SIN3A: variants seen among roughly 807,000 people sequenced by gnomAD.
SIN3A encodes the protein SIN3 transcription regulator family member A.
Under a neutral mutation model 146.1 loss-of-function variants are expected in SIN3A, and 14 were observed. The observed-to-expected ratio is 0.10, with a 90% CI of 0.06 to 0.15. The LOEUF is 0.15. SIN3A is among the 10% of genes least tolerant of loss of function. The pLI is 1.00. For missense variants in SIN3A, 1,028 were observed against 1,576.0 expected (o/e 0.65, Z 5.89); for synonymous variants, 572 against 572.0 (o/e 1.00, Z 0.00).
chr15:75,435,920 C>G, intron 1 of SIN3A, among the ~76,000 whole-genome samples: 1 of 151,892 alleles, frequency 6.6e-6, no homozygotes, highest in African/African-American at 2.4e-5. Flanking sequence ...AGCCCAGGAG[C>G]TGGAGACCAG....
chr15:75,407,292 A>C, intron 8 of SIN3A, 148 bp from the exon 9 acceptor site: 1 of 561,394 alleles, frequency 1.8e-6, no homozygotes, highest in Non-Finnish European at 3.2e-6. Flanking sequence ...CTCACTCCAT[A>C]CCCTCTAAGA....
intron 1 of SIN3A, among the ~76,000 whole-genome samples, chr15:75,445,996 C>A (rs1369385147): frequency 6.6e-6 from 1 of 152,162 alleles, no homozygotes; most frequent in Non-Finnish European, 1.5e-5. Flanking sequence ...CCAAATCATT[C>A]ATTCATGTAT....
rs1428000882 is a variant in SIN3A, at chr15:75,375,855, C to T, written c.3401G>A (p.Arg1134Gln). 4 of 1,614,028 alleles carry T rather than the reference C, an allele frequency of 2.5e-6. No individual in the cohort carries two copies. Among genetic ancestry groups the T allele is most frequent in the East Asian group, 2.2e-5 (1 of 44,888 alleles). Residue 1134 changes from arginine to glutamine, a missense_variant, in exon 20 of 21, where the codon CGG becomes CAG. Arg to Gln is a conservative substitution (Grantham distance 43, BLOSUM62 1). Transcript: ENST00000394947. ...VFLPRNLRRI[R>Q]KCQRGREQQE... ...CTGCTCTCGACCACGTTGACACTTC[C>T]GGATCCGCCGTAGATTCCTATTGCA...
At chr15:75,411,302 T>C (rs1331954176) in intron 6 of SIN3A, among the ~76,000 whole-genome samples, 190 bp downstream of exon 6, 2 of 152,200 alleles carry the variant, frequency 1.3e-5, no homozygotes. Context: ...CACTCCAGCC[T>C]GGGTGACAGT....
chr15:75,378,050 T>C (rs1289124747), intron 19 of SIN3A, among the ~76,000 whole-genome samples: 1 of 152,246 alleles, frequency 6.6e-6, no homozygotes, highest in African/African-American at 2.4e-5. Context: ...GACCTAGCGA[T>C]AGCGATATTA....
At position 75,369,926 on chromosome 15, in the gene SIN3A, T is replaced by G. The variant is rs180711735; in HGVS notation, c.*2053A>C. ...AAAGCTCTTTTTGGCACCCTACACT[T>G]TGGCTCACAGTCTCTTCTCCCCAGT... On this transcript the variant is annotated 3_prime_UTR_variant, in exon 21 of 21. Coordinates refer to ENST00000394947, the MANE Select transcript of SIN3A (RefSeq NM_001145358.2). The G allele has an allele frequency of 6.6e-6, 1 of 152,374 alleles. No homozygotes were observed. Among genetic ancestry groups the G allele is most frequent in the East Asian group, 1.9e-4 (1 of 5,190 alleles). 9.4% of individuals were successfully genotyped at this position (152,374 alleles called of 1,614,324 possible). A position where few individuals can be genotyped will look rare whatever the true frequency, so the allele number is the denominator to read the frequency against.
intron 12 of SIN3A, among the ~76,000 whole-genome samples, chr15:75,398,252 T>G (rs1252433731): frequency 2.6e-5 from 4 of 152,220 alleles, no homozygotes; most frequent in African/African-American, 9.6e-5. Flanking sequence ...AAAATGATAA[T>G]GTAAACCAGA....
At chr15:75,389,904 C>T (rs1314938732) in intron 15 of SIN3A, 83 bp from the exon 16 acceptor site, 2 of 1,348,162 alleles carry the variant, frequency 1.5e-6, no homozygotes, top group Non-Finnish European at 2.1e-6. Context: ...CCACAGCTGG[C>T]CTAAATGGCA....
At chr15:75,376,332 AAC>A (rs1365438558) in intron 19 of SIN3A, 3 of 169,288 alleles carry the variant, frequency 1.8e-5, no homozygotes, top group Admixed American at 5.7e-5. Context: ...ACCATTCCTT[AAC>A]AGTTTCTTTC....
chr15:75,419,468 T>C (rs2073803641), intron 3 of SIN3A: 1 of 152,154 alleles, frequency 6.6e-6, no homozygotes. Flanking sequence ...GTGATATGTA[T>C]ATGTCTGAAA....
intron 1 of SIN3A, among the ~76,000 whole-genome samples, chr15:75,447,269 G>T (rs113153749): frequency 1.6e-3 from 247 of 152,348 alleles, no homozygotes; most frequent in African/African-American, 5.8e-3. Flanking sequence ...CACAGGCACT[G>T]ACTAGGGCAG....
intron 9 of SIN3A, among the ~76,000 whole-genome samples, chr15:75,405,661 G>C (rs1375700580): frequency 6.6e-6 from 1 of 152,150 alleles, no homozygotes; most frequent in Non-Finnish European, 1.5e-5. Flanking sequence ...TAAGGCTGGA[G>C]AATCGCTTGA....
At chr15:75,406,954 T>C (rs2073527900) in intron 9 of SIN3A, 101 bp downstream of exon 9, 5 of 716,118 alleles carry the variant, frequency 7.0e-6, no homozygotes, top group Non-Finnish European at 1.2e-5. Flanking sequence ...CAGAAAGTCC[T>C]AATTAGCCTG....
chr15:75,429,965 G>A, intron 2 of SIN3A: 2 of 466,354 alleles, frequency 4.3e-6, no homozygotes, highest in African/African-American at 2.0e-5. Context: ...CTGAAGGGAG[G>A]GAAAAGAAGG....
chr15:75,420,212 T>G (rs1003767098), intron 3 of SIN3A: 1 of 152,116 alleles, frequency 6.6e-6, no homozygotes, highest in Non-Finnish European at 1.5e-5. Context: ...CTGCTAAATA[T>G]GTACCAAATA....
Position 75,392,754 on chromosome 15 carries a change from G to C in SIN3A, c.2339C>G (p.Ala780Gly), listed in dbSNP as rs369396162. Residue 780 changes from alanine to glycine, a missense_variant, in exon 15 of 21, where the codon GCG (alanine) becomes GGG (glycine). This residue lies in a region of SIN3A where 488 missense variants were observed against 690.2 expected (regional missense o/e 0.71). Coordinates refer to ENST00000394947, the MANE Select transcript of SIN3A (RefSeq NM_001145358.2). ...TTCCAGTATTTGTTTGTCTTCATAC[G>C]CAAGTGAGAGGTGTGGGCCAACAGG... ...GVPVGPHLSL[A>G]YEDKQILEDA... 6 of 1,614,002 alleles carry C rather than the reference G, an allele frequency of 3.7e-6. No individual in the cohort carries two copies. Among genetic ancestry groups the C allele is most frequent in the Non-Finnish European group, 5.1e-6 (6 of 1,180,008 alleles).
At chr15:75,377,581 C>T (rs1427863863) in intron 19 of SIN3A, among the ~76,000 whole-genome samples, 12 of 150,910 alleles carry the variant, frequency 8.0e-5, no homozygotes, top group African/African-American at 1.5e-4. Context: ...GCCAAGATCG[C>T]GCCACTGCAC....
intron 1 of SIN3A, among the ~76,000 whole-genome samples, chr15:75,451,027 C>G (rs1477416346): frequency 1.3e-5 from 2 of 151,782 alleles, no homozygotes; most frequent in African/African-American, 2.4e-5. Flanking sequence ...CCCCCTACCC[C>G]TCCCCGACCC....
rs762248574 is a variant in SIN3A at position 75,392,401 on chromosome 15, G to A, written c.2692C>T (p.Leu898=). 5.6e-6 allele frequency: 9 copies of A among 1,614,136 alleles called. No homozygotes were observed. Among genetic ancestry groups the A allele is most frequent in the Non-Finnish European group, 7.6e-6 (9 of 1,180,056 alleles). ...AGCCTCAGGCAGAGAATCTGGTGCA[G>A]TCGCATAAAAATATACCAGTTGTTG... ...VNNNWYIFMR[L]HQILCLRLLR... The change falls in exon 15 of 21, where the codon CTG becomes TTG. Residue 898 remains leucine (L), a synonymous_variant. Coordinates refer to ENST00000394947, the MANE Select transcript of SIN3A (RefSeq NM_001145358.2).
Sources: gnomAD v4.1 joint callset for allele counts (sites outside exome capture counted in the v4.1 genomes callset) on GRCh38, gnomAD v4.1.1 for gene constraint, gnomAD v4.1.1 regional missense constraint, MANE v1.5 for transcripts, NCBI Gene and HGNC (gene_info 2026-07-23, HGNC 2026-07-21) for gene names.